Variants in ADK observed in about 807,000 individuals in gnomAD.
ADK encodes the protein N6,N6-dimethyladenosine kinase.
Under a neutral mutation model 44.7 loss-of-function variants are expected in ADK, and 24 were observed. The observed-to-expected ratio is 0.54, with a 90% CI of 0.39 to 0.76. ADK has a LOEUF of 0.76. ADK is among the 30% of genes least tolerant of loss of function. The pLI is 0.00. For missense variants in ADK, 321 were observed against 425.1 expected (o/e 0.76, Z 2.15); for synonymous variants, 128 against 142.6 (o/e 0.90, Z 0.73).
intron 6 of ADK, among the ~76,000 whole-genome samples, chr10:74,477,656 G>A (rs971496207): frequency 6.6e-6 from 1 of 151,984 alleles, no homozygotes; most frequent in African/African-American, 2.4e-5. Flanking sequence ...TTGACCCCTG[G>A]CTATAAAAGA....
chr10:74,631,423 G>GT (rs80277195), intron 9 of ADK, among the ~76,000 whole-genome samples: 1,435 of 132,410 alleles, frequency 0.011, 9 homozygotes, highest in African/African-American at 0.03. Flanking sequence ...TTTTTGTTTT[G>GT]TTTTTTTTTT....
intron 4 of ADK, among the ~76,000 whole-genome samples, chr10:74,325,622 T>C (rs540050569): frequency 6.6e-6 from 1 of 152,244 alleles, no homozygotes; most frequent in African/African-American, 2.4e-5. Context: ...GGATTTTTCA[T>C]ATATGGCCTT....
intron 7 of ADK, among the ~76,000 whole-genome samples, chr10:74,567,942 G>A (rs1398311864): frequency 4.0e-5 from 6 of 151,818 alleles, no homozygotes; most frequent in Non-Finnish European, 2.9e-5. Context: ...CTCGTAATCC[G>A]CCCGCCTCAG....
intron 4 of ADK, among the ~76,000 whole-genome samples, chr10:74,329,111 A>C (rs1422766981): frequency 3.5e-5 from 1 of 28,356 alleles, no homozygotes; most frequent in Admixed American, 4.6e-4. Context: ...GCAGGCAAAA[A>C]AAAAAAAAAA....
Position 74,632,159 on chromosome 10 carries a change from C to G in ADK, c.877+31666C>G, listed in dbSNP as rs76847220. Among the ~76,000 whole-genome samples, 814 of 152,244 alleles carry G rather than the reference C, an allele frequency of 5.3e-3. 2 individuals carry two copies. The highest frequency in any genetic ancestry group is 0.019 in the African/African-American group (786 of 41,538). ...GCAACGATTAATCTACTTTCTGCCT[C>G]TATGCATTTGCCTTTTCTGGAAATT... On this transcript the variant is annotated intron_variant, in intron 9 of 10. Transcript: ENST00000539909.
chr10:74,155,877 A>G (rs768050840), intron 1 of ADK, among the ~76,000 whole-genome samples: 2 of 151,920 alleles, frequency 1.3e-5, no homozygotes, highest in Non-Finnish European at 2.9e-5. Flanking sequence ...CTTTGCTACT[A>G]TTTTCTTTTT....
At chr10:74,512,216 T>C (rs1255603632) in intron 6 of ADK, among the ~76,000 whole-genome samples, 1 of 152,162 alleles carries the variant, frequency 6.6e-6, no homozygotes, top group Non-Finnish European at 1.5e-5. Flanking sequence ...TTGTGGACTT[T>C]TGCATGTATG....
chr10:74,469,856 A>G (rs977452802), intron 6 of ADK, among the ~76,000 whole-genome samples: 5 of 152,172 alleles, frequency 3.3e-5, no homozygotes, highest in African/African-American at 1.2e-4. Context: ...ACTATTTTAG[A>G]TATTTCATGT....
chr10:74,285,663 A>G (rs937016441), intron 3 of ADK, among the ~76,000 whole-genome samples: 1 of 152,184 alleles, frequency 6.6e-6, no homozygotes, highest in Non-Finnish European at 1.5e-5. Flanking sequence ...CCTGGGTGAC[A>G]GAGTGAGACC....
At chr10:74,461,357 T>A (rs1846166748) in intron 6 of ADK, among the ~76,000 whole-genome samples, 1 of 152,118 alleles carries the variant, frequency 6.6e-6, no homozygotes, top group Non-Finnish European at 1.5e-5. Flanking sequence ...CTAATACTGT[T>A]ATAATTGTCA....
At chr10:74,573,226 G>A (rs1361924179) in intron 7 of ADK, among the ~76,000 whole-genome samples, 1 of 152,122 alleles carries the variant, frequency 6.6e-6, no homozygotes, top group Non-Finnish European at 1.5e-5. Flanking sequence ...CTAACAGACA[G>A]GACCCTCAGC....
intron 4 of ADK, among the ~76,000 whole-genome samples, chr10:74,322,076 A>C (rs1276533990): frequency 1.3e-5 from 2 of 152,206 alleles, no homozygotes; most frequent in African/African-American, 4.8e-5. Context: ...GAAAAAAGTT[A>C]ATCTTTAAAG....
At chr10:74,556,768 C>G (rs1340785457) in intron 7 of ADK, among the ~76,000 whole-genome samples, 3 of 152,108 alleles carry the variant, frequency 2.0e-5, no homozygotes, top group Non-Finnish European at 4.4e-5. Flanking sequence ...CTTTTATGTC[C>G]ATTATTGTTG....
intron 3 of ADK, among the ~76,000 whole-genome samples, chr10:74,252,509 A>G (rs961270826): frequency 6.6e-6 from 1 of 152,246 alleles, no homozygotes; most frequent in African/African-American, 2.4e-5. Context: ...TAAAACAGGA[A>G]TAGAAGACAA....
intron 7 of ADK, among the ~76,000 whole-genome samples, chr10:74,533,173 A>G (rs1015273306): frequency 6.6e-6 from 1 of 152,180 alleles, no homozygotes; most frequent in Admixed American, 6.5e-5. Flanking sequence ...AATGGGAGAT[A>G]TATCATGTTC....
intron 7 of ADK, among the ~76,000 whole-genome samples, chr10:74,561,032 A>C (rs927662455): frequency 1.3e-5 from 2 of 151,382 alleles, no homozygotes; most frequent in African/African-American, 4.9e-5. Context: ...AACAAAACAG[A>C]ACAACAAAAT....
At chr10:74,196,839 A>G (rs1248756627) in intron 1 of ADK, among the ~76,000 whole-genome samples, 1 of 152,164 alleles carries the variant, frequency 6.6e-6, no homozygotes, top group Non-Finnish European at 1.5e-5. Context: ...AGCAAAACAA[A>G]ACAACAGAAA....
chr10:74,668,068 A>G (rs935335056), intron 9 of ADK, among the ~76,000 whole-genome samples: 3 of 152,190 alleles, frequency 2.0e-5, no homozygotes, highest in African/African-American at 7.2e-5. Context: ...ATGTTAGATT[A>G]TTACATAATG....
chr10:74,445,411 A>G (rs755145305), intron 6 of ADK, among the ~76,000 whole-genome samples: 1 of 151,978 alleles, frequency 6.6e-6, no homozygotes, highest in Non-Finnish European at 1.5e-5. Flanking sequence ...TTTTTATATA[A>G]TGGAGCAATA....
Sources: gnomAD v4.1 joint callset for allele counts (sites outside exome capture counted in the v4.1 genomes callset) on GRCh38, gnomAD v4.1.1 for gene constraint, MANE v1.5 for transcripts, NCBI Gene and HGNC (gene_info 2026-07-23, HGNC 2026-07-21) for gene names.